TAFA2: variants seen among roughly 807,000 people sequenced by gnomAD.
The protein encoded by TAFA2 is TAFA chemokine like family member 2, also known as chemokine-like protein TAFA-2.
In TAFA2, 7 loss-of-function variants were observed where a neutral mutation model predicts 18.8. The ratio of observed to expected loss-of-function variants is 0.37; its 90% CI spans 0.21 to 0.70. The LOEUF is 0.70. Among genes scored for constraint, TAFA2 ranks in the 30% least tolerant of loss-of-function variants. The pLI, the probability that TAFA2 is intolerant of heterozygous loss-of-function variation, is 0.53. For missense variants in TAFA2, 122 were observed against 158.1 expected, an observed-to-expected ratio of 0.77 and a Z score of 1.23; for synonymous variants, 60 against 54.2, an observed-to-expected ratio of 1.11 and a Z score of -0.47.
chr12:61,833,319 C>A (rs1310511483), intron 2 of TAFA2, among the ~76,000 whole-genome samples: 1 of 151,606 alleles, frequency 6.6e-6, no homozygotes, highest in Non-Finnish European at 1.5e-5. Context: ...AAACATATCA[C>A]TCTTTGTCCC....
intron 2 of TAFA2, among the ~76,000 whole-genome samples, chr12:61,865,444 G>C (rs1047656400): frequency 6.6e-6 from 1 of 152,142 alleles, no homozygotes; most frequent in African/African-American, 2.4e-5. Flanking sequence ...GAAAGATGGA[G>C]GAGGGGAGAA....
Position 61,945,073 on chromosome 12 carries a change from C to T in TAFA2, c.-1-77647G>A, listed in dbSNP as rs1187497941. Among the ~76,000 whole-genome samples, 1,189 of 142,626 alleles carry T rather than the reference C, an allele frequency of 8.3e-3. 9 individuals carry two copies. The highest frequency in any genetic ancestry group is 0.03 in the African/African-American group (1,090 of 36,896). The allele number at this position is 142,626 out of a possible 152,430, so 93.6% of individuals were successfully genotyped here. A position where few individuals can be genotyped will look rare whatever the true frequency, so the allele number is the denominator to read the frequency against. On this transcript the variant is annotated intron_variant, in intron 1 of 4. Coordinates refer to ENST00000416284, the MANE Select transcript of TAFA2 (RefSeq NM_178539.5). ...AATCCTCAATAAAATACTGGCAAAC[C>T]GAATCCAGCAGCACATCAAAAAGCT... is the stretch of plus-strand genomic sequence containing the variant.
chr12:62,000,827 A>G (rs1880353067), intron 1 of TAFA2, among the ~76,000 whole-genome samples: 2 of 152,252 alleles, frequency 1.3e-5, no homozygotes, highest in South Asian at 4.1e-4. Context: ...AAATAAGTTT[A>G]TACTCTAAGA....
chr12:62,185,967 A>G (rs2062583211), intron 1 of TAFA2, among the ~76,000 whole-genome samples: 1 of 152,218 alleles, frequency 6.6e-6, no homozygotes, highest in Non-Finnish European at 1.5e-5. Context: ...TTGAATGATC[A>G]GTTTTTTGTA....
intron 1 of TAFA2, among the ~76,000 whole-genome samples, chr12:62,006,804 C>T (rs1417262570): frequency 2.6e-5 from 4 of 152,038 alleles, no homozygotes; most frequent in African/African-American, 9.7e-5. Flanking sequence ...ATTAGTAAGC[C>T]CCCATCAACC....
At chr12:61,749,993 C>CCA (rs34947699) in intron 4 of TAFA2, among the ~76,000 whole-genome samples, 20,318 of 148,786 alleles carry the variant, frequency 0.14, 1,552 homozygotes, top group East Asian at 0.3. Context: ...TCAAAACACC[C>CCA]CACACACACA....
intron 4 of TAFA2, among the ~76,000 whole-genome samples, chr12:61,741,324 C>A (rs1868436290): frequency 6.6e-6 from 1 of 151,208 alleles, no homozygotes; most frequent in Non-Finnish European, 1.5e-5. Flanking sequence ...ATCTCTCTTG[C>A]ATGTGTGTGT....
chr12:61,806,018 T>C (rs1358499112), intron 2 of TAFA2, among the ~76,000 whole-genome samples: 1 of 152,192 alleles, frequency 6.6e-6, no homozygotes, highest in Non-Finnish European at 1.5e-5. Context: ...CTATTAAGAT[T>C]TGTTACTTGA....
chr12:61,795,213 G>A (rs147395471), intron 2 of TAFA2, among the ~76,000 whole-genome samples: 6,962 of 152,008 alleles, frequency 0.046, 500 homozygotes, highest in African/African-American at 0.16. Flanking sequence ...CATTTGACCC[G>A]GCCATCCCAT....
At chr12:61,825,301 G>A (rs1267399478) in intron 2 of TAFA2, among the ~76,000 whole-genome samples, 1 of 152,042 alleles carries the variant, frequency 6.6e-6, no homozygotes, top group Non-Finnish European at 1.5e-5. Flanking sequence ...AACTGATTGT[G>A]TGAGACAGTT....
chr12:61,722,823 A>G (rs1161100728), intron 4 of TAFA2, among the ~76,000 whole-genome samples: 1 of 152,046 alleles, frequency 6.6e-6, no homozygotes, highest in Non-Finnish European at 1.5e-5. Context: ...CCTGGTGTGT[A>G]TAATTGCAAT....
intron 1 of TAFA2, among the ~76,000 whole-genome samples, chr12:61,905,006 T>G (rs953153118): frequency 3.9e-5 from 6 of 152,126 alleles, no homozygotes; most frequent in Non-Finnish European, 7.4e-5. Context: ...TAAAAAGCAG[T>G]CAGAGGAAAG....
chr12:62,259,174 G>A (rs775886578), upstream of TAFA2: 2 of 152,146 alleles, frequency 1.3e-5, no homozygotes, highest in Non-Finnish European at 2.9e-5. Flanking sequence ...AATGATGTGG[G>A]GATTCCGGCC....
At chr12:62,097,445 A>G (rs1024343409) in intron 1 of TAFA2, among the ~76,000 whole-genome samples, 2 of 152,164 alleles carry the variant, frequency 1.3e-5, no homozygotes, top group African/African-American at 4.8e-5. Context: ...ACATGTGGGG[A>G]ATGGAAATAG....
intron 1 of TAFA2, among the ~76,000 whole-genome samples, chr12:62,110,953 A>AT (rs1192715103): frequency 2.6e-5 from 4 of 151,602 alleles, no homozygotes; most frequent in East Asian, 1.9e-4. Context: ...GGATTCATTG[A>AT]TTTTTTTGAA....
At chr12:61,941,041 C>T (rs1021682414) in intron 1 of TAFA2, among the ~76,000 whole-genome samples, 78 of 152,032 alleles carry the variant, frequency 5.1e-4, no homozygotes, top group African/African-American at 1.9e-3. Context: ...TATTTCAAAA[C>T]TTTCATATAT....
At chr12:62,194,800 A>G (rs769075251), upstream of TAFA2, among the ~76,000 whole-genome samples, 41 of 152,230 alleles carry the variant, frequency 2.7e-4, no homozygotes, top group Non-Finnish European at 5.0e-4. Context: ...GTTCCAAACC[A>G]CCACAAATAT....
chr12:61,857,384 T>A (rs1873927795), intron 2 of TAFA2, among the ~76,000 whole-genome samples: 2 of 152,182 alleles, frequency 1.3e-5, no homozygotes, highest in East Asian at 1.9e-4. Context: ...TAATTTTTTT[T>A]AAATTAGTAG....
chr12:62,174,943 G>A (rs1301663796), intron 1 of TAFA2, among the ~76,000 whole-genome samples: 1 of 152,122 alleles, frequency 6.6e-6, no homozygotes, highest in Non-Finnish European at 1.5e-5. Context: ...TAAACTCCGA[G>A]AGTAATGATG....
Sources: allele counts gnomAD v4.1 joint callset (sites outside exome capture counted in the v4.1 genomes callset), GRCh38; gene constraint gnomAD v4.1.1; transcripts MANE v1.5; gene names NCBI Gene and HGNC (gene_info 2026-07-23, HGNC 2026-07-21).